The following TAPT1 variants were observed in gnomAD, a reference collection of about 807,000 sequenced individuals.
The protein encoded by TAPT1 is transmembrane anterior posterior transformation 1.
Under a neutral mutation model 65.6 loss-of-function variants are expected in TAPT1, and 28 were observed. The observed-to-expected ratio is 0.43, with a 90% CI of 0.32 to 0.59. The LOEUF (loss-of-function observed/expected upper bound fraction) is 0.59, where lower values mean the gene tolerates loss of function less well. Ranked by LOEUF, TAPT1 falls within the 20% of genes least tolerant of loss-of-function variation. The pLI is 0.09. For missense variants in TAPT1, 563 were observed against 679.9 expected (o/e 0.83, Z 1.91); for synonymous variants, 278 against 245.2 (o/e 1.13, Z -1.25).
intron 2 of TAPT1, among the ~76,000 whole-genome samples, chr4:16,207,730 C>T (rs1750428646): frequency 6.6e-6 from 1 of 152,168 alleles, no homozygotes; most frequent in South Asian, 2.1e-4. Context: ...TAACCCTTCC[C>T]CCTTTCAACA....
At chr4:16,186,255 A>G (rs1166496017) in intron 7 of TAPT1, among the ~76,000 whole-genome samples, 2 of 152,242 alleles carry the variant, frequency 1.3e-5, no homozygotes, top group Non-Finnish European at 2.9e-5. Flanking sequence ...TCACATCTAT[A>G]AAATGGAAAA....
rs551275996 is a variant in TAPT1 at position 16,160,793 on chromosome 4, G to A, written c.*2515C>T. On this transcript the variant is annotated 3_prime_UTR_variant, in exon 14 of 14. Transcript: ENST00000405303. Reference sequence around the variant, plus strand: ...ATCTCCTCCTCTGCTGAGTTACCAGGAGTGGCAGGATATATTTTGATGGCC... The same window carrying A: ...ATCTCCTCCTCTGCTGAGTTACCAGAAGTGGCAGGATATATTTTGATGGCC... 3.4e-4 allele frequency: 52 copies of A among 152,730 alleles called. No individual in the cohort carries two copies. The highest frequency in any genetic ancestry group is 1.2e-3 in the African/African-American group (50 of 41,562). 9.5% of individuals were successfully genotyped at this position (152,730 alleles called of 1,614,324 possible). A position where few individuals can be genotyped will look rare whatever the true frequency, so the allele number is the denominator to read the frequency against.
At chr4:16,206,187 G>C (rs1292090391) in intron 2 of TAPT1, among the ~76,000 whole-genome samples, 19 of 152,104 alleles carry the variant, frequency 1.2e-4, no homozygotes, top group Admixed American at 1.2e-3. Flanking sequence ...GCCAACAAAG[G>C]GATTATCATG....
At chr4:16,216,694 T>C (rs1750960174) in intron 1 of TAPT1, among the ~76,000 whole-genome samples, 1 of 152,162 alleles carries the variant, frequency 6.6e-6, no homozygotes, top group Admixed American at 6.5e-5. Flanking sequence ...ATTAACTTTT[T>C]TCCCCTTTTT....
Position 16,223,462 on chromosome 4 carries a change from A to G in TAPT1, c.199+2797T>C, listed in dbSNP as rs1408651990. ...ACTACATCCAGAGTTCAAGGCCAGTAACCACATATGCAACAAGGAAATACA... is the reference window on the plus strand; with the variant it reads ...ACTACATCCAGAGTTCAAGGCCAGTGACCACATATGCAACAAGGAAATACA... On this transcript the variant is annotated intron_variant, in intron 1 of 13. Coordinates refer to ENST00000405303, the MANE Select transcript of TAPT1 (RefSeq NM_153365.3). Among the ~76,000 whole-genome samples the G allele has an allele frequency of 6.6e-5, 10 of 152,236 alleles. 1 individual carries two copies. The highest frequency in any genetic ancestry group is 2.4e-5 in the African/African-American group (1 of 41,462).
intron 2 of TAPT1, among the ~76,000 whole-genome samples, chr4:16,210,749 A>G (rs1368103689): frequency 3.9e-5 from 6 of 152,208 alleles, no homozygotes; most frequent in African/African-American, 1.4e-4. Flanking sequence ...GTTGTATAAA[A>G]AAGAAAAATA....
upstream of TAPT1, chr4:16,226,585 C>T (rs577006870): frequency 9.2e-3 from 5,321 of 578,480 alleles, 25 homozygotes; most frequent in Non-Finnish European, 0.011. Flanking sequence ...ATCCGCGGCC[C>T]GCCGACCGGC....
intron 7 of TAPT1, chr4:16,183,175 A>G (rs1224289409): frequency 6.6e-6 from 1 of 152,180 alleles, no homozygotes; most frequent in Non-Finnish European, 1.5e-5. Flanking sequence ...GTTGCCTAGA[A>G]TATTTTTTTT....
intron 12 of TAPT1, among the ~76,000 whole-genome samples, chr4:16,167,355 A>T (rs1747709022): frequency 6.6e-6 from 1 of 152,168 alleles, no homozygotes; most frequent in Admixed American, 6.5e-5. Context: ...ATATTATAAC[A>T]TTTATTCTTT....
At chr4:16,223,503 G>C (rs1173232331) in intron 1 of TAPT1, among the ~76,000 whole-genome samples, 3 of 152,154 alleles carry the variant, frequency 2.0e-5, no homozygotes, top group African/African-American at 4.8e-5. Flanking sequence ...ACCATTCTGA[G>C]AGAGCAAATA....
intron 3 of TAPT1, among the ~76,000 whole-genome samples, chr4:16,199,568 T>C (rs1749911439): frequency 6.6e-6 from 1 of 152,126 alleles, no homozygotes; most frequent in Non-Finnish European, 1.5e-5. Flanking sequence ...TGTAACATCT[T>C]TTAGTTTTTA....
intron 7 of TAPT1, among the ~76,000 whole-genome samples, chr4:16,185,325 G>GA (rs1233223397): frequency 1.1e-4 from 17 of 151,770 alleles, no homozygotes; most frequent in Non-Finnish European, 4.4e-5. Context: ...GGTGAATAGG[G>GA]AGAGACATAA....
At chr4:16,175,899 G>A (rs1318589258) in intron 9 of TAPT1, among the ~76,000 whole-genome samples, 1 of 152,142 alleles carries the variant, frequency 6.6e-6, no homozygotes, top group Non-Finnish European at 1.5e-5. Flanking sequence ...GTGACACTGT[G>A]ACTTCGACTA....
intron 2 of TAPT1, among the ~76,000 whole-genome samples, chr4:16,204,843 CCTCA>C (rs1393987249): frequency 6.6e-6 from 1 of 152,224 alleles, no homozygotes; most frequent in Non-Finnish European, 1.5e-5. Flanking sequence ...ATCCTTCTGG[CCTCA>C]CTCACCACTG....
At chr4:16,181,424 A>G (rs1748701948) in intron 7 of TAPT1, among the ~76,000 whole-genome samples, 1 of 152,238 alleles carries the variant, frequency 6.6e-6, no homozygotes, top group Admixed American at 6.5e-5. Flanking sequence ...ACTCTAACAA[A>G]GCAAAACTAC....
intron 1 of TAPT1, among the ~76,000 whole-genome samples, chr4:16,218,948 C>G (rs369267726): frequency 3.9e-5 from 6 of 152,136 alleles, no homozygotes; most frequent in Middle Eastern, 3.4e-3. Flanking sequence ...ATTACAAGTA[C>G]AAAACAATAC....
intron 1 of TAPT1, chr4:16,225,745 C>T (rs1381146543): frequency 8.6e-6 from 3 of 349,510 alleles, no homozygotes; most frequent in Non-Finnish European, 1.2e-5. Context: ...TATTTCTGTA[C>T]TGGGCAAAAC....
At chr4:16,204,867 T>C (rs779818895) in intron 2 of TAPT1, among the ~76,000 whole-genome samples, 1 of 152,274 alleles carries the variant, frequency 6.6e-6, no homozygotes, top group Admixed American at 6.5e-5. Flanking sequence ...GGATTTACCA[T>C]TATACACATT....
chr4:16,161,429 C>G lies in TAPT1; in HGVS notation c.*1879G>C, dbSNP rs906796091. On this transcript the variant is annotated 3_prime_UTR_variant, in exon 14 of 14. Transcript: ENST00000405303. ...ACAGCATCTGCAAAGGAATGGAAAT[C>G]TTCTGAAAATGACAGCGCAGTAACA... 5.2e-5 allele frequency: 8 copies of G among 152,646 alleles called. No individual in the cohort carries two copies. The highest frequency in any genetic ancestry group is 5.2e-4 in the Admixed American group (8 of 15,272). 9.5% of individuals were successfully genotyped at this position (152,646 alleles called of 1,614,324 possible).
Sources: allele counts gnomAD v4.1 joint callset (sites outside exome capture counted in the v4.1 genomes callset), GRCh38; gene constraint gnomAD v4.1.1; transcripts MANE v1.5; gene names NCBI Gene and HGNC (gene_info 2026-07-23, HGNC 2026-07-21).